PKP1: variants seen among roughly 807,000 people sequenced by gnomAD.
PKP1 encodes plakophilin-1.
Under a neutral mutation model 76.4 loss-of-function variants are expected in PKP1, and 27 were observed. The observed-to-expected ratio is 0.35, with a 90% CI of 0.26 to 0.49. The LOEUF (loss-of-function observed/expected upper bound fraction) is 0.49. PKP1 is among the 20% of genes least tolerant of loss of function. PKP1 has a pLI of 0.99. For missense variants in PKP1, 964 were observed against 955.2 expected, an observed-to-expected ratio of 1.01 and a Z score of -0.12; for synonymous variants, 404 against 384.2, an observed-to-expected ratio of 1.05 and a Z score of -0.60.
chr1:201,297,053 A>G (rs1656099573), intron 2 of PKP1, among the ~76,000 whole-genome samples: 1 of 152,208 alleles, frequency 6.6e-6, no homozygotes, highest in South Asian at 2.1e-4. Context: ...TTATAGTTTT[A>G]CCTTATAGTC....
At chr1:201,287,957 T>G (rs1296732786) in intron 1 of PKP1, among the ~76,000 whole-genome samples, 3 of 152,176 alleles carry the variant, frequency 2.0e-5, no homozygotes, top group Non-Finnish European at 4.4e-5. Flanking sequence ...TATACACACA[T>G]AGGTCACACA....
At chr1:201,317,802 A>G (rs1656808409) in intron 5 of PKP1, 23 bp downstream of exon 5, 1 of 1,605,586 alleles carries the variant, frequency 6.2e-7, no homozygotes. Context: ...GGCCACCGAG[A>G]GCCAGCCTGA....
At chr1:201,304,984 TG>T (rs1416465924) in intron 2 of PKP1, among the ~76,000 whole-genome samples, 2 of 152,226 alleles carry the variant, frequency 1.3e-5, no homozygotes, top group Non-Finnish European at 2.9e-5. Flanking sequence ...CTCTGCACAC[TG>T]GGAAGTGCCA....
chr1:201,308,195 ACCG>A (rs879424518), intron 2 of PKP1, among the ~76,000 whole-genome samples: 1,851 of 152,370 alleles, frequency 0.012, 16 homozygotes, highest in Non-Finnish European at 0.02. Flanking sequence ...CATGCCGTGC[ACCG>A]GCACAGGCTG....
At chr1:201,313,022 G>T (rs1043597921) in intron 2 of PKP1, 144 bp from the exon 3 acceptor site, 76 of 816,666 alleles carry the variant, frequency 9.3e-5, no homozygotes, top group Non-Finnish European at 1.4e-4. Context: ...ATCAGATGAT[G>T]GCTCAGGTTC....
At position 201,293,936 on chromosome 1, in the gene PKP1, C is replaced by T; in HGVS notation, c.203-6C>T. ...CCCTGTCCTAATCCCCTCCTTTCTC[C>T]TCTAGGTTCCATGTATGATGGCTTG... On this transcript the variant is annotated splice_region_variant and splice_polypyrimidine_tract_variant and intron_variant, in intron 1 of 13. Transcript: ENST00000367324. The T allele has an allele frequency of 1.2e-6, 2 of 1,600,624 alleles. No individual in the cohort carries two copies. The highest frequency in any genetic ancestry group is 1.7e-6 in the Non-Finnish European group (2 of 1,168,882).
rs1381736977 is a variant in PKP1 at position 201,328,880 on chromosome 1, C to G, written c.*32+12C>G. 6.6e-7 allele frequency: 1 copy of G among 1,511,728 alleles called. No homozygotes were observed. Among genetic ancestry groups the G allele is most frequent in the Non-Finnish European group, 9.2e-7 (1 of 1,086,720 alleles). The allele number at this position is 1,511,728 out of a possible 1,614,324, so 93.6% of individuals were successfully genotyped here. ...AGTTAGGCTTGCAGGTAAGAATCAC[C>G]CCACCCTCAGGGATGCCTCTGGGAC... is the stretch of plus-strand genomic sequence containing the variant. On this transcript the variant is annotated intron_variant, in intron 13 of 13. Coordinates refer to ENST00000367324, the MANE Select transcript of PKP1 (RefSeq NM_001005337.3).
At chr1:201,286,941 A>G (rs1249890372) in intron 1 of PKP1, among the ~76,000 whole-genome samples, 1 of 152,122 alleles carries the variant, frequency 6.6e-6, no homozygotes, top group Non-Finnish European at 1.5e-5. Context: ...GCTGAACCTG[A>G]ATCTCACTTG....
chr1:201,325,551 G>T (rs1657092176), intron 11 of PKP1, among the ~76,000 whole-genome samples: 1 of 152,072 alleles, frequency 6.6e-6, no homozygotes. Flanking sequence ...GCTCTAGGTG[G>T]GCAGGGGCAT....
intron 2 of PKP1, among the ~76,000 whole-genome samples, chr1:201,294,251 T>A (rs1465865017): frequency 6.6e-6 from 1 of 152,244 alleles, no homozygotes. Context: ...TATTTTTGAA[T>A]GTCTCAAATG....
chr1:201,325,463 C>A (rs1657089226), intron 11 of PKP1, among the ~76,000 whole-genome samples: 1 of 152,052 alleles, frequency 6.6e-6, no homozygotes, highest in African/African-American at 2.4e-5. Flanking sequence ...CTGTGGGGCT[C>A]TCTCTTCCCC....
At chr1:201,314,261 G>A (rs1363100932) in intron 3 of PKP1, among the ~76,000 whole-genome samples, 1 of 152,158 alleles carries the variant, frequency 6.6e-6, no homozygotes. Context: ...AGGAGTTTGA[G>A]ACCAGCCTGA....
At chr1:201,296,770 A>G (rs1200470640) in intron 2 of PKP1, among the ~76,000 whole-genome samples, 2 of 152,200 alleles carry the variant, frequency 1.3e-5, no homozygotes, top group African/African-American at 4.8e-5. Flanking sequence ...TAGAACCCCT[A>G]AAAGTTCAGA....
rs1490792497 is a variant in PKP1, at chr1:201,319,805, C to A, written c.1233-462C>A. On this transcript the variant is annotated intron_variant, in intron 6 of 13. Coordinates refer to ENST00000367324, the MANE Select transcript of PKP1 (RefSeq NM_001005337.3). ...GATCCAGCATCAACAGGGCTTCTTCCTGTCCCACAGAAAGAGACTGGGCAT... is the reference window on the plus strand; with the variant it reads ...GATCCAGCATCAACAGGGCTTCTTCATGTCCCACAGAAAGAGACTGGGCAT... 3.1e-6 allele frequency: 5 copies of A among 1,613,662 alleles called. No homozygotes were observed. The African/African-American group carries it at 5.3e-5, about 17-fold the overall frequency.
Position 201,324,944 on chromosome 1 carries a change from A to G in PKP1, c.1838A>G (p.Asn613Ser). ...RHPLLHRVMG[N>S]QVFPEVTRLL... ...CCCCAACTCGTTCCTCTCCCAGGGA[A>G]CCAGGTGTTCCCGGAGGTGACCAGG... is the stretch of plus-strand genomic sequence containing the variant. The change falls in exon 11 of 14, where the codon AAC becomes AGC. Residue 613 changes from asparagine to serine, a missense_variant. By Grantham distance (46) the Asn-to-Ser change is conservative. Coordinates refer to ENST00000367324, the MANE Select transcript of PKP1 (RefSeq NM_001005337.3). 1 of 1,613,316 alleles carries G rather than the reference A, an allele frequency of 6.2e-7. No homozygotes were observed. Among genetic ancestry groups the G allele is most frequent in the Non-Finnish European group, 8.5e-7 (1 of 1,179,874 alleles).
At chr1:201,304,007 A>G (rs1475246758) in intron 2 of PKP1, among the ~76,000 whole-genome samples, 1 of 152,158 alleles carries the variant, frequency 6.6e-6, no homozygotes, top group African/African-American at 2.4e-5. Flanking sequence ...CTGACTGAGC[A>G]CCTACAGTTC....
At chr1:201,298,363 T>C (rs1261944900) in intron 2 of PKP1, among the ~76,000 whole-genome samples, 1 of 152,212 alleles carries the variant, frequency 6.6e-6, no homozygotes. Context: ...ACAATTTTGA[T>C]TTCCAGGGAA....
Position 201,327,549 on chromosome 1 carries a change from G to A in PKP1, c.2107-1213G>A, listed in dbSNP as rs575520584. Among the ~76,000 whole-genome samples the A allele has an allele frequency of 1.4e-4, 22 of 152,272 alleles. 1 individual carries two copies. The highest frequency in any genetic ancestry group is 4.6e-4 in the Admixed American group (7 of 15,300). Reference sequence around the variant, plus strand: ...GAGGAGGCAGGTAAGGAGGACTGGTGTGAGCTTCCTCCCGCTGTGTAATGG... The same window carrying A: ...GAGGAGGCAGGTAAGGAGGACTGGTATGAGCTTCCTCCCGCTGTGTAATGG... On this transcript the variant is annotated intron_variant, in intron 12 of 13. Transcript: ENST00000367324.
intron 10 of PKP1, 54 bp from the exon 11 acceptor site, chr1:201,324,887 G>T (rs1657065584): frequency 3.2e-6 from 5 of 1,540,578 alleles, no homozygotes; most frequent in Non-Finnish European, 4.5e-6. Flanking sequence ...GAACCCCTCA[G>T]CCCTTCCTTC....
Sources: gnomAD v4.1 joint callset for allele counts (sites outside exome capture counted in the v4.1 genomes callset) on GRCh38, gnomAD v4.1.1 for gene constraint, MANE v1.5 for transcripts, NCBI Gene and HGNC (gene_info 2026-07-23, HGNC 2026-07-21) for gene names.